SCAPER: variants seen among roughly 807,000 people sequenced by gnomAD.
SCAPER encodes S-phase cyclin A associated protein in the ER, also known as S phase cyclin A-associated protein in the endoplasmic reticulum.
Under a neutral mutation model 182.2 loss-of-function variants are expected in SCAPER, and 98 were observed. That is an observed-to-expected ratio of 0.54 (90% confidence interval 0.46 to 0.64). SCAPER has a LOEUF of 0.64. Ranked by LOEUF, SCAPER falls within the 30% of genes least tolerant of loss-of-function variation. SCAPER has a pLI of 0.00. For missense variants in SCAPER, 1,432 were observed against 1,690.0 expected, an observed-to-expected ratio of 0.85 and a Z score of 2.68; for synonymous variants, 605 against 564.6, an observed-to-expected ratio of 1.07 and a Z score of -1.01.
chr15:76,777,404 A>C (rs1048050923), intron 8 of SCAPER, among the ~76,000 whole-genome samples: 5 of 152,226 alleles, frequency 3.3e-5, no homozygotes, highest in African/African-American at 1.2e-4. Flanking sequence ...AAATTTAACG[A>C]AAGAAGGTTT....
chr15:76,421,933 G>C (rs914955927), intron 26 of SCAPER, among the ~76,000 whole-genome samples: 5 of 152,192 alleles, frequency 3.3e-5, no homozygotes, highest in African/African-American at 1.2e-4. Flanking sequence ...GATAGTTGTA[G>C]ATGTGTGTTA....
chr15:76,504,990 A>G lies in SCAPER; in HGVS notation c.2839-16T>C. Reference sequence around the variant, plus strand: ...CTGCCACATTCTAGACAGAAATACAAACAGAAGTTAGCCCAATTTCCCAGG... The same window carrying G: ...CTGCCACATTCTAGACAGAAATACAGACAGAAGTTAGCCCAATTTCCCAGG... On this transcript the variant is annotated splice_polypyrimidine_tract_variant and intron_variant, in intron 23 of 31. Coordinates refer to ENST00000563290, the MANE Select transcript of SCAPER (RefSeq NM_020843.4). 6.3e-7 allele frequency: 1 copy of G among 1,598,724 alleles called. No homozygotes were observed. The highest frequency in any genetic ancestry group is 8.5e-7 in the Non-Finnish European group (1 of 1,170,576).
In SCAPER at chr15:76,662,478, C is replaced by A. The variant is rs370944213; in HGVS notation, c.2645+3175G>T. On this transcript the variant is annotated intron_variant, in intron 21 of 31. Coordinates refer to ENST00000563290, the MANE Select transcript of SCAPER (RefSeq NM_020843.4). ...CAAAAAAGAAAACATTGAAGGACTTCTACTTTATTTGAAGACTTTCTACAA... is the reference window on the plus strand; with the variant it reads ...CAAAAAAGAAAACATTGAAGGACTTATACTTTATTTGAAGACTTTCTACAA... Among the ~76,000 whole-genome samples the A allele has an allele frequency of 7.9e-5, 12 of 152,186 alleles. No individual in the cohort carries two copies. In the South Asian group the frequency reaches 2.1e-3, roughly 26 times the overall value.
intron 5 of SCAPER, among the ~76,000 whole-genome samples, chr15:76,805,571 TTTTTTG>T (rs1478717576): frequency 2.0e-5 from 3 of 149,048 alleles, no homozygotes; most frequent in African/African-American, 7.4e-5. Flanking sequence ...TTTTTTTTTT[TTTTTTG>T]GAGACGGAGT....
intron 22 of SCAPER, among the ~76,000 whole-genome samples, chr15:76,591,056 G>A (rs773684190): frequency 2.0e-5 from 3 of 152,140 alleles, no homozygotes; most frequent in Non-Finnish European, 4.4e-5. Flanking sequence ...GGTGAATGAT[G>A]AGAATGACTT....
In SCAPER at chr15:76,771,836, T is replaced by A. The variant is rs1397716859; in HGVS notation, c.1154A>T (p.Gln385Leu). ...TACTTGTAAAGGAGGTGTACCAGCT[T>A]GCAGCATAACTGAAACACACTCTGT... The part of the protein sequence containing the change: ...IDTECVSVML[Q>L]AGTPPLQVNE... The change falls in exon 10 of 32, where the codon CAA (glutamine) becomes CTA (leucine). Residue 385 changes from glutamine to leucine, a missense_variant. Coordinates refer to ENST00000563290, the MANE Select transcript of SCAPER (RefSeq NM_020843.4). The A allele has an allele frequency of 6.2e-7, 1 of 1,613,166 alleles. No individual in the cohort carries two copies. Among genetic ancestry groups the A allele is most frequent in the African/African-American group, 1.3e-5 (1 of 74,902 alleles).
intron 23 of SCAPER, among the ~76,000 whole-genome samples, chr15:76,540,393 C>A (rs991233409): frequency 1.3e-5 from 2 of 151,910 alleles, no homozygotes; most frequent in African/African-American, 4.8e-5. Context: ...AAACCAAGAC[C>A]CTGTCTCTAA....
At chr15:76,599,827 G>A (rs1203075196) in intron 22 of SCAPER, among the ~76,000 whole-genome samples, 2 of 120,774 alleles carry the variant, frequency 1.7e-5, no homozygotes. Context: ...AATTTTGAGA[G>A]GTGTTTAAAA....
At chr15:76,591,660 A>T (rs1417785578) in intron 22 of SCAPER, among the ~76,000 whole-genome samples, 2 of 152,202 alleles carry the variant, frequency 1.3e-5, no homozygotes, top group Non-Finnish European at 2.9e-5. Flanking sequence ...ATACTCAAAC[A>T]ATAGAATACT....
chr15:76,524,483 G>C (rs1286107015), intron 23 of SCAPER, among the ~76,000 whole-genome samples: 1 of 151,866 alleles, frequency 6.6e-6, no homozygotes, highest in African/African-American at 2.4e-5. Flanking sequence ...GATTCCATTA[G>C]AAACAAGATC....
At chr15:76,698,569 A>T (rs2058770512) in intron 20 of SCAPER, among the ~76,000 whole-genome samples, 1 of 152,212 alleles carries the variant, frequency 6.6e-6, no homozygotes, top group African/African-American at 2.4e-5. Context: ...CATTCTGGAT[A>T]CTTCCTTCAG....
At position 76,404,675 on chromosome 15, in the gene SCAPER, C is replaced by A; in HGVS notation, c.3316G>T (p.Val1106Leu). The A allele has an allele frequency of 6.2e-7, 1 of 1,610,030 alleles. No homozygotes were observed. Among genetic ancestry groups the A allele is most frequent in the Non-Finnish European group, 8.5e-7 (1 of 1,178,388 alleles). Residue 1106 changes from valine (V) to leucine (L), a missense_variant, in exon 27 of 32, where the codon GTG (valine) becomes TTG (leucine). By Grantham distance (32) the Val-to-Leu change is conservative (BLOSUM62 1). Transcript: ENST00000563290. ...NNRVQDLISY[V>L]VNMGLIDKLC... ...TTGTCAATCAGACCCATGTTCACCA[C>A]GTAGCTAGATATGGGGGAGAAATGC...
intron 20 of SCAPER, among the ~76,000 whole-genome samples, chr15:76,692,385 G>C (rs2058408364): frequency 6.6e-6 from 1 of 152,046 alleles, no homozygotes; most frequent in African/African-American, 2.4e-5. Context: ...ATTCACCTTA[G>C]GAGTTAGAAA....
intron 24 of SCAPER, among the ~76,000 whole-genome samples, chr15:76,492,868 G>GTTTT (rs1185376117): frequency 1.6e-5 from 2 of 121,682 alleles, no homozygotes; most frequent in Admixed American, 8.3e-5. Context: ...ATCTGAGAGT[G>GTTTT]TTTTTTTTTT....
chr15:76,795,143 AT>A (rs1273219525), intron 8 of SCAPER, 136 bp downstream of exon 8: 5 of 829,066 alleles, frequency 6.0e-6, no homozygotes, highest in Non-Finnish European at 8.8e-6. Context: ...TTTTAAGATA[AT>A]TTTATGTTTT....
At chr15:76,653,778 T>C (rs1258497086) in intron 21 of SCAPER, among the ~76,000 whole-genome samples, 1 of 152,152 alleles carries the variant, frequency 6.6e-6, no homozygotes, top group Non-Finnish European at 1.5e-5. Context: ...CAAATATTTT[T>C]CCCAACATCA....
rs992463364 is a variant in SCAPER, at chr15:76,505,659, C to T, written c.2839-685G>A. 6.6e-5 allele frequency among the ~76,000 whole-genome samples: 10 copies of T among 152,260 alleles called. No homozygotes were observed. In the South Asian group the frequency reaches 1.9e-3, roughly 28 times the overall value. ...CTGTTCGTGGGAATGTAAATTAGTA[C>T]AATCACTATGGAGAATAGTTTGGAG... On this transcript the variant is annotated intron_variant, in intron 23 of 31. Transcript: ENST00000563290.
Position 76,611,193 on chromosome 15 carries a change from G to A in SCAPER, c.2711+10571C>T, listed in dbSNP as rs2050948863. Among the ~76,000 whole-genome samples, 2 of 151,748 alleles carry A rather than the reference G, an allele frequency of 1.3e-5. 1 individual carries two copies. The highest frequency in any genetic ancestry group is 4.2e-4 in the South Asian group (2 of 4,814). The stretch of plus-strand genomic sequence containing the variant: ...TAGTCTCTTCAACAAATGGTGTTAG[G>A]AAAATGGAGTATCCTTATGCAAAAA... On this transcript the variant is annotated intron_variant, in intron 22 of 31. Coordinates refer to ENST00000563290, the MANE Select transcript of SCAPER (RefSeq NM_020843.4).
At chr15:76,820,151 C>CTAGT (rs2067417277) in intron 5 of SCAPER, among the ~76,000 whole-genome samples, 1 of 152,084 alleles carries the variant, frequency 6.6e-6, no homozygotes, top group Non-Finnish European at 1.5e-5. Context: ...GGACGGTAAA[C>CTAGT]TAGTTCAACC....
Sources: allele counts gnomAD v4.1 joint callset (sites outside exome capture counted in the v4.1 genomes callset), GRCh38; gene constraint gnomAD v4.1.1; transcripts MANE v1.5; gene names NCBI Gene and HGNC (gene_info 2026-07-23, HGNC 2026-07-21).